CTNNA3: variants seen among roughly 807,000 people sequenced by gnomAD.
CTNNA3 encodes catenin alpha 3.
In CTNNA3, 76 loss-of-function variants were observed where a neutral mutation model predicts 95.7. The ratio of observed to expected loss-of-function variants is 0.79; its 90% CI spans 0.66 to 0.96. The LOEUF (loss-of-function observed/expected upper bound fraction) is 0.96, where lower values mean the gene tolerates loss of function less well. Among genes scored for constraint, CTNNA3 ranks in the 40% least tolerant of loss-of-function variants. The pLI, the probability that CTNNA3 is intolerant of heterozygous loss-of-function variation, is 0.00. For missense variants in CTNNA3, 1,191 were observed against 1,089.8 expected, an observed-to-expected ratio of 1.09 and a Z score of -1.31; for synonymous variants, 431 against 374.4, an observed-to-expected ratio of 1.15 and a Z score of -1.74.
chr10:67,071,433 C>T (rs1856454104), intron 7 of CTNNA3, among the ~76,000 whole-genome samples: 2 of 151,456 alleles, frequency 1.3e-5, no homozygotes, highest in African/African-American at 4.8e-5. Context: ...TCTCTCAACA[C>T]TACATTTCAT....
intron 5 of CTNNA3, among the ~76,000 whole-genome samples, chr10:67,516,976 A>G (rs1564708817): frequency 6.6e-6 from 1 of 152,176 alleles, no homozygotes; most frequent in African/African-American, 2.4e-5. Context: ...GCTTATATGT[A>G]TACCACATTT....
At chr10:67,203,219 T>C (rs1434886198) in intron 6 of CTNNA3, among the ~76,000 whole-genome samples, 2 of 152,134 alleles carry the variant, frequency 1.3e-5, no homozygotes, top group African/African-American at 4.8e-5. Flanking sequence ...AAATGAATCA[T>C]GGGGGCAGTT....
Position 66,502,039 on chromosome 10 carries a change from T to C in CTNNA3, c.1531+18578A>G, listed in dbSNP as rs975988973. Among the ~76,000 whole-genome samples, 5 of 151,846 alleles carry C rather than the reference T, an allele frequency of 3.3e-5. No individual in the cohort carries two copies. In the East Asian group the frequency reaches 9.6e-4, roughly 29 times the overall value. ...TGCTTGAAATATTTCAGAATAAAAG[T>C]ATTTTTTTAATCTAGCTATCCTTTC... is the stretch of plus-strand genomic sequence containing the variant. On this transcript the variant is annotated intron_variant, in intron 11 of 17. Coordinates refer to ENST00000433211, the MANE Select transcript of CTNNA3 (RefSeq NM_013266.4).
chr10:67,561,748 TA>T (rs1370968288), intron 3 of CTNNA3, among the ~76,000 whole-genome samples: 1 of 151,908 alleles, frequency 6.6e-6, no homozygotes, highest in African/African-American at 2.4e-5. Flanking sequence ...CTAGCAAGAC[TA>T]AGAAAGACAA....
In CTNNA3 at chr10:67,225,415, C is replaced by A. The variant is rs540255364; in HGVS notation, c.580-5545G>T. Among the ~76,000 whole-genome samples, 100 of 152,324 alleles carry A rather than the reference C, an allele frequency of 6.6e-4. 1 individual carries two copies. The highest frequency in any genetic ancestry group is 2.6e-4 in the Non-Finnish European group (18 of 68,030). ...CCCCATCTCCTGGCAGGAGGCCAAC[C>A]AGCACAAAAATAGAGCATTAAACCA... On this transcript the variant is annotated intron_variant, in intron 5 of 17. Transcript: ENST00000433211.
At chr10:67,499,170 T>C (rs1164356951) in intron 5 of CTNNA3, among the ~76,000 whole-genome samples, 1 of 152,210 alleles carries the variant, frequency 6.6e-6, no homozygotes, top group Non-Finnish European at 1.5e-5. Context: ...GTTGAAGGCC[T>C]TTTCTGCATC....
At chr10:66,034,705 A>G (rs2079525706) in intron 15 of CTNNA3, among the ~76,000 whole-genome samples, 3 of 152,148 alleles carry the variant, frequency 2.0e-5, no homozygotes, top group Admixed American at 2.0e-4. Context: ...CTTACATTCA[A>G]TTTCCTGTGG....
intron 11 of CTNNA3, among the ~76,000 whole-genome samples, chr10:66,431,635 C>G (rs1444386763): frequency 6.6e-6 from 1 of 151,810 alleles, no homozygotes; most frequent in African/African-American, 2.4e-5. Context: ...TCTCAGCAAA[C>G]TGTCGCAAGG....
intron 5 of CTNNA3, among the ~76,000 whole-genome samples, chr10:67,301,248 TAAG>T (rs1174473178): frequency 6.6e-6 from 1 of 152,138 alleles, no homozygotes; most frequent in Non-Finnish European, 1.5e-5. Context: ...CTGAGAGACA[TAAG>T]AAGAAGCCAG....
intron 13 of CTNNA3, among the ~76,000 whole-genome samples, chr10:66,135,152 T>A (rs1045281426): frequency 1.3e-5 from 2 of 152,302 alleles, no homozygotes; most frequent in Admixed American, 1.3e-4. Context: ...TCTTAGCTAG[T>A]AACAGTAAAA....
intron 13 of CTNNA3, among the ~76,000 whole-genome samples, chr10:66,261,603 G>A (rs1285754914): frequency 6.6e-6 from 1 of 152,070 alleles, no homozygotes; most frequent in African/African-American, 2.4e-5. Context: ...CTATAAGTAA[G>A]TATTAATCAG....
chr10:66,309,631 A>T (rs910321143), intron 12 of CTNNA3, among the ~76,000 whole-genome samples: 1 of 132,802 alleles, frequency 7.5e-6, no homozygotes, highest in Admixed American at 9.0e-5. Context: ...GCTTGCAGTG[A>T]GCTGAGATCG....
At chr10:66,995,917 C>A in intron 7 of CTNNA3, among the ~76,000 whole-genome samples, 1 of 152,126 alleles carries the variant, frequency 6.6e-6, no homozygotes, top group East Asian at 1.9e-4. Context: ...ACTGATATTG[C>A]ATTAGACATT....
At chr10:66,390,889 T>A (rs984348691) in intron 11 of CTNNA3, among the ~76,000 whole-genome samples, 3 of 152,128 alleles carry the variant, frequency 2.0e-5, no homozygotes, top group African/African-American at 7.2e-5. Context: ...TTCTTCCTCT[T>A]TACCTCCTAA....
At chr10:67,442,561 C>T (rs1430443851) in intron 5 of CTNNA3, among the ~76,000 whole-genome samples, 1 of 151,940 alleles carries the variant, frequency 6.6e-6, no homozygotes, top group Non-Finnish European at 1.5e-5. Flanking sequence ...AAAGGAGTAG[C>T]TATACTTACA....
chr10:66,209,432 A>G (rs2087981626), intron 13 of CTNNA3, among the ~76,000 whole-genome samples: 1 of 152,182 alleles, frequency 6.6e-6, no homozygotes. Flanking sequence ...GTACATCTCA[A>G]TGATAAGGTG....
chr10:65,985,386 A>G (rs527468277), intron 16 of CTNNA3, among the ~76,000 whole-genome samples: 17 of 151,374 alleles, frequency 1.1e-4, no homozygotes, highest in Non-Finnish European at 2.4e-4. Context: ...CATTAATGAA[A>G]GCAACAGATT....
intron 5 of CTNNA3, among the ~76,000 whole-genome samples, chr10:67,291,073 G>T (rs1839821072): frequency 6.6e-6 from 1 of 152,058 alleles, no homozygotes; most frequent in Non-Finnish European, 1.5e-5. Context: ...GATTCACATT[G>T]CTCTCTGGCT....
intron 11 of CTNNA3, among the ~76,000 whole-genome samples, chr10:66,454,912 T>C (rs1285114814): frequency 6.6e-6 from 1 of 152,024 alleles, no homozygotes; most frequent in Non-Finnish European, 1.5e-5. Flanking sequence ...AGCATGTGTG[T>C]ATGTATGTCT....
Sources: allele counts gnomAD v4.1 joint callset (sites outside exome capture counted in the v4.1 genomes callset), GRCh38; gene constraint gnomAD v4.1.1; transcripts MANE v1.5; gene names NCBI Gene and HGNC (gene_info 2026-07-23, HGNC 2026-07-21).